DLG2: variants seen among roughly 807,000 people sequenced by gnomAD.
DLG2 encodes the protein discs large MAGUK scaffold protein 2.
In DLG2, 45 loss-of-function variants were observed where a neutral mutation model predicts 132.5. That is an observed-to-expected ratio of 0.34 (90% CI 0.27 to 0.44). DLG2 has a LOEUF of 0.44. DLG2 is among the 20% of genes least tolerant of loss of function. The probability of loss-of-function intolerance (pLI) is 1.00; values close to 1 mark genes in which losing one functional copy is unlikely to be tolerated. For synonymous variants in DLG2, 424 were observed against 419.6 expected (o/e 1.01, Z -0.13); for missense variants, 1,045 against 1,196.9 (o/e 0.87, Z 1.87).
intron 3 of DLG2, among the ~76,000 whole-genome samples, chr11:85,509,320 G>T (rs146455098): frequency 3.3e-3 from 501 of 152,066 alleles, no homozygotes; most frequent in Admixed American, 5.4e-3. Flanking sequence ...TACTCTAGAG[G>T]CTAATCTCAT....
chr11:84,876,582 T>C (rs925078253), intron 6 of DLG2, among the ~76,000 whole-genome samples: 33 of 152,218 alleles, frequency 2.2e-4, no homozygotes, highest in Admixed American at 2.1e-3. Context: ...TTTTCTTCTT[T>C]ATTAGTCTGG....
chr11:83,573,953 T>TTG (rs1175207649), intron 19 of DLG2, among the ~76,000 whole-genome samples: 1 of 152,218 alleles, frequency 6.6e-6, no homozygotes, highest in Non-Finnish European at 1.5e-5. Context: ...GTTGGTGAAC[T>TTG]TTTGAGTCTC....
At chr11:83,867,028 A>G (rs564234521) in intron 16 of DLG2, among the ~76,000 whole-genome samples, 231 of 152,288 alleles carry the variant, frequency 1.5e-3, no homozygotes, top group Middle Eastern at 3.4e-3. Flanking sequence ...TTTGTTCCCC[A>G]TTTAATAACA....
At chr11:85,033,105 A>G (rs974554136) in intron 6 of DLG2, among the ~76,000 whole-genome samples, 3 of 152,238 alleles carry the variant, frequency 2.0e-5, no homozygotes, top group Non-Finnish European at 4.4e-5. Context: ...AGTTCCCAAC[A>G]GATAAAAAAA....
At chr11:85,318,596 G>C (rs2080847413) in intron 3 of DLG2, among the ~76,000 whole-genome samples, 1 of 151,704 alleles carries the variant, frequency 6.6e-6, no homozygotes, top group African/African-American at 2.4e-5. Context: ...TGAAATGTAA[G>C]GGAAGGGAAA....
chr11:85,238,338 G>A (rs2075704877), intron 4 of DLG2, among the ~76,000 whole-genome samples: 1 of 151,348 alleles, frequency 6.6e-6, no homozygotes, highest in South Asian at 2.1e-4. Flanking sequence ...CTCCCTCCTG[G>A]GTTCAAGCAA....
At chr11:83,730,146 G>GTTTTTTTTT (rs541441004) in intron 18 of DLG2, among the ~76,000 whole-genome samples, 1 of 110,974 alleles carries the variant, frequency 9.0e-6, no homozygotes. Flanking sequence ...TTTTTTTATG[G>GTTTTTTTTT]TTTTTTTTTT....
At chr11:84,606,144 T>C (rs1179425575) in intron 6 of DLG2, among the ~76,000 whole-genome samples, 2 of 152,094 alleles carry the variant, frequency 1.3e-5, no homozygotes, top group African/African-American at 2.4e-5. Context: ...TTACAAAAAA[T>C]TAATTCTATG....
chr11:83,781,905 G>A (rs2094844007), intron 18 of DLG2, among the ~76,000 whole-genome samples: 1 of 152,202 alleles, frequency 6.6e-6, no homozygotes, highest in South Asian at 2.1e-4. Flanking sequence ...GAAATGCTGT[G>A]TTATCTTTTT....
At chr11:85,054,989 G>A (rs1456686942) in intron 6 of DLG2, among the ~76,000 whole-genome samples, 1 of 152,008 alleles carries the variant, frequency 6.6e-6, no homozygotes, top group Non-Finnish European at 1.5e-5. Context: ...TAACAAACCT[G>A]CATGTGTAAC....
At position 84,433,220 on chromosome 11, in the gene DLG2, A is replaced by T. The variant is rs376148274; in HGVS notation, c.519+101350T>A. On this transcript the variant is annotated intron_variant, in intron 7 of 27. Coordinates refer to ENST00000376104, the MANE Select transcript of DLG2 (RefSeq NM_001142699.3). ...ATGTGCACTAAAAAGATAAATATAA[A>T]AATTAAAACAAAACAAATGAAATAA... is the stretch of plus-strand genomic sequence containing the variant. Among the ~76,000 whole-genome samples the T allele has an allele frequency of 1.1e-4, 16 of 152,216 alleles. No homozygotes were observed. The South Asian group carries it at 3.1e-3, about 30-fold the overall frequency.
At chr11:84,443,236 C>T (rs1272794346) in intron 7 of DLG2, among the ~76,000 whole-genome samples, 1 of 152,082 alleles carries the variant, frequency 6.6e-6, no homozygotes, top group Non-Finnish European at 1.5e-5. Context: ...TAACATTTAC[C>T]TTCCATCCAG....
In DLG2 at chr11:83,846,939, GCC is replaced by G. The variant is rs1288381952; in HGVS notation, c.1566-13171_1566-13170del. 4.2e-4 allele frequency among the ~76,000 whole-genome samples: 40 copies of G among 94,552 alleles called. 1 individual carries two copies. Among genetic ancestry groups the G allele is most frequent in the African/African-American group, 8.9e-4 (23 of 25,952 alleles). 62.0% of individuals were successfully genotyped at this position (94,552 alleles called of 152,430 possible). On this transcript the variant is annotated intron_variant, in intron 16 of 27. Coordinates refer to ENST00000376104, the MANE Select transcript of DLG2 (RefSeq NM_001142699.3). ...ATACCTTCTAATCATTATCTCCCAAGCCAAAAAAAAAAAAAAAAAAAGGATTA... is the reference window on the plus strand; with the variant it reads ...ATACCTTCTAATCATTATCTCCCAAGAAAAAAAAAAAAAAAAAAAGGATTA...
intron 6 of DLG2, among the ~76,000 whole-genome samples, chr11:84,684,234 C>A (rs1011468451): frequency 1.3e-5 from 2 of 152,070 alleles, no homozygotes; most frequent in Non-Finnish European, 2.9e-5. Flanking sequence ...GGAGATAATT[C>A]CCCTGTGGCA....
intron 8 of DLG2, among the ~76,000 whole-genome samples, chr11:84,185,317 T>C (rs1477405437): frequency 6.6e-6 from 1 of 152,180 alleles, no homozygotes; most frequent in Non-Finnish European, 1.5e-5. Flanking sequence ...CTAGGTATTT[T>C]ATTCTCTTTG....
At chr11:84,256,095 A>G (rs2097464611) in intron 7 of DLG2, among the ~76,000 whole-genome samples, 1 of 152,090 alleles carries the variant, frequency 6.6e-6, no homozygotes, top group Non-Finnish European at 1.5e-5. Context: ...CTCAGATTAC[A>G]TGAACAATTT....
intron 20 of DLG2, among the ~76,000 whole-genome samples, chr11:83,537,840 G>A (rs200399159): frequency 0.17 from 18,189 of 108,832 alleles, 2,035 homozygotes; most frequent in African/African-American, 0.23. Context: ...AAAAAAGAGA[G>A]AGAGAGATAC....
Position 85,473,275 on chromosome 11 carries a change from C to T in DLG2, c.40+125382G>A, listed in dbSNP as rs2093042574. Among the ~76,000 whole-genome samples, 3 of 152,328 alleles carry T rather than the reference C, an allele frequency of 2.0e-5. No individual in the cohort carries two copies. In the South Asian group the frequency reaches 6.2e-4, roughly 32 times the overall value. On this transcript the variant is annotated intron_variant, in intron 3 of 27. Coordinates refer to ENST00000376104, the MANE Select transcript of DLG2 (RefSeq NM_001142699.3). ...ATCCTGAGTGAAACTTGAGCAGAGGCACCATTGGCCACAAGGTCCCCAGCT... is the reference window on the plus strand; with the variant it reads ...ATCCTGAGTGAAACTTGAGCAGAGGTACCATTGGCCACAAGGTCCCCAGCT...
chr11:84,552,913 T>G (rs937356511), intron 6 of DLG2, among the ~76,000 whole-genome samples: 5 of 152,206 alleles, frequency 3.3e-5, no homozygotes, highest in African/African-American at 1.2e-4. Flanking sequence ...CGCACTTTGA[T>G]GTGAAATTCA....
Sources: gnomAD v4.1 joint callset for allele counts (sites outside exome capture counted in the v4.1 genomes callset) on GRCh38, gnomAD v4.1.1 for gene constraint, MANE v1.5 for transcripts, NCBI Gene and HGNC (gene_info 2026-07-23, HGNC 2026-07-21) for gene names.